The following TMEM132D variants were observed in gnomAD, a reference collection of about 807,000 sequenced individuals.
TMEM132D encodes mature OL transmembrane protein.
A neutral mutation model predicts 62.3 loss-of-function variants in TMEM132D; 21 were observed. The ratio of observed to expected loss-of-function variants is 0.34; its 90% confidence interval spans 0.24 to 0.49. The LOEUF (loss-of-function observed/expected upper bound fraction) is 0.49. TMEM132D is among the 20% of genes least tolerant of loss of function. The pLI is 0.99. For synonymous variants in TMEM132D, 621 were observed against 575.6 expected, an observed-to-expected ratio of 1.08 and a Z score of -1.13; for missense variants, 1,346 against 1,402.8, an observed-to-expected ratio of 0.96 and a Z score of 0.65.
In TMEM132D at chr12:129,874,904, C is replaced by T. The variant is rs546362530; in HGVS notation, c.79+28357G>A. ...TAGTAGAGACGGGGTCTAGAACTCC[C>T]GACCTCAGGTGATCTGCTCACCTCG... On this transcript the variant is annotated intron_variant, in intron 1 of 8. Transcript: ENST00000422113. 3.9e-5 allele frequency among the ~76,000 whole-genome samples: 6 copies of T among 152,190 alleles called. No individual in the cohort carries two copies. The South Asian group carries it at 6.2e-4, about 16-fold the overall frequency.
At chr12:129,842,097 ATTTTTT>A (rs746315309) in intron 1 of TMEM132D, among the ~76,000 whole-genome samples, 8 of 97,440 alleles carry the variant, frequency 8.2e-5, no homozygotes, top group African/African-American at 3.3e-4. Context: ...CGCCCGGCTA[ATTTTTT>A]TTTTTTTTTT....
intron 4 of TMEM132D, among the ~76,000 whole-genome samples, chr12:129,255,098 T>C (rs1281227599): frequency 2.0e-5 from 3 of 152,178 alleles, no homozygotes; most frequent in Non-Finnish European, 4.4e-5. Context: ...TTCCTCCTGC[T>C]CCAGCCATGT....
rs775104181 is a variant in TMEM132D at position 129,700,175 on chromosome 12, G to T, written c.603C>A (p.Ser201Arg). The change falls in exon 2 of 9, where the codon AGC becomes AGA. Residue 201 changes from serine to arginine, a missense_variant. Physicochemically the swap from Ser to Arg is moderately radical, Grantham distance 110. Coordinates refer to ENST00000422113, the MANE Select transcript of TMEM132D (RefSeq NM_133448.3). ...CAACCACCGTGGGGGGGCTGAACCA[G>T]CTGGACAGGAGCTCCAGCTCGGCCA... ...LCVAELELLS[S>R]WFSPPTVVAG... 6.2e-7 allele frequency: 1 copy of T among 1,612,984 alleles called. No homozygotes were observed. The highest frequency in any genetic ancestry group is 8.5e-7 in the Non-Finnish European group (1 of 1,180,002).
intron 3 of TMEM132D, among the ~76,000 whole-genome samples, chr12:129,388,043 A>G (rs112114262): frequency 6.7e-5 from 7 of 104,636 alleles, no homozygotes; most frequent in East Asian, 2.7e-4. Flanking sequence ...CAGCACTGAT[A>G]ATAATATGAA....
intron 3 of TMEM132D, among the ~76,000 whole-genome samples, chr12:129,488,957 C>T (rs952875479): frequency 3.9e-5 from 6 of 152,214 alleles, no homozygotes; most frequent in African/African-American, 1.2e-4. Context: ...TTCAGAGCAG[C>T]GGCAGTTCAT....
At chr12:129,577,093 G>C (rs1211003308) in intron 2 of TMEM132D, among the ~76,000 whole-genome samples, 1 of 151,916 alleles carries the variant, frequency 6.6e-6, no homozygotes, top group Non-Finnish European at 1.5e-5. Context: ...GGGCCCCATG[G>C]TGTCACCGAA....
chr12:129,288,010 G>T (rs1881350989), intron 4 of TMEM132D, among the ~76,000 whole-genome samples: 1 of 152,158 alleles, frequency 6.6e-6, no homozygotes, highest in Non-Finnish European at 1.5e-5. Context: ...TCTTTCTCAA[G>T]ATTGTTTTGA....
At chr12:129,776,005 A>G (rs1351567808) in intron 1 of TMEM132D, among the ~76,000 whole-genome samples, 1 of 152,110 alleles carries the variant, frequency 6.6e-6, no homozygotes. Flanking sequence ...GTCTCGGTGA[A>G]AAAACAAGAT....
At chr12:129,712,453 A>T (rs1446560941) in intron 1 of TMEM132D, among the ~76,000 whole-genome samples, 1 of 152,164 alleles carries the variant, frequency 6.6e-6, no homozygotes, top group African/African-American at 2.4e-5. Flanking sequence ...ATAGAACTCA[A>T]GTTTTAATTA....
intron 3 of TMEM132D, among the ~76,000 whole-genome samples, chr12:129,442,647 C>T (rs144966506): frequency 1.3e-4 from 20 of 152,026 alleles, no homozygotes; most frequent in Non-Finnish European, 2.9e-4. Flanking sequence ...GTGCTAGAAG[C>T]GGTTATAGTC....
At chr12:129,331,403 A>T (rs192464975) in intron 4 of TMEM132D, among the ~76,000 whole-genome samples, 22 of 152,316 alleles carry the variant, frequency 1.4e-4, no homozygotes, top group East Asian at 5.8e-4. Context: ...TTTTTCAAGG[A>T]TAATACAGAC....
chr12:129,550,866 G>C (rs555211068), intron 2 of TMEM132D, among the ~76,000 whole-genome samples: 24 of 152,156 alleles, frequency 1.6e-4, no homozygotes, highest in Non-Finnish European at 2.5e-4. Flanking sequence ...CCAACAGGCA[G>C]GAGGAGGAGG....
chr12:129,811,987 C>G (rs1872201461), intron 1 of TMEM132D, among the ~76,000 whole-genome samples: 1 of 151,784 alleles, frequency 6.6e-6, no homozygotes, highest in Non-Finnish European at 1.5e-5. Flanking sequence ...AGATGCTGAG[C>G]AGAGACCCAG....
intron 3 of TMEM132D, among the ~76,000 whole-genome samples, chr12:129,477,444 G>C (rs935052014): frequency 5.3e-5 from 8 of 152,110 alleles, no homozygotes; most frequent in African/African-American, 1.9e-4. Flanking sequence ...TGCTTTACTT[G>C]GTCTCCATGC....
intron 3 of TMEM132D, among the ~76,000 whole-genome samples, chr12:129,504,143 T>A (rs1233661695): frequency 6.6e-6 from 1 of 152,068 alleles, no homozygotes; most frequent in Non-Finnish European, 1.5e-5. Context: ...ACCACCCTCA[T>A]CACCGTCATC....
intron 5 of TMEM132D, among the ~76,000 whole-genome samples, chr12:129,134,598 T>G (rs1291832174): frequency 6.6e-6 from 1 of 152,186 alleles, no homozygotes; most frequent in Non-Finnish European, 1.5e-5. Flanking sequence ...GTGTGTGAAA[T>G]AATTTATATT....
intron 3 of TMEM132D, among the ~76,000 whole-genome samples, chr12:129,432,940 C>A (rs1444861340): frequency 6.6e-6 from 1 of 152,128 alleles, no homozygotes; most frequent in Non-Finnish European, 1.5e-5. Flanking sequence ...TAGAACCTAC[C>A]CCCAGGGTAA....
rs1179335011 is a variant in TMEM132D, at chr12:129,719,695, G to A, written c.80-18997C>T. Among the ~76,000 whole-genome samples the A allele has an allele frequency of 2.6e-5, 4 of 152,344 alleles. No individual in the cohort carries two copies. In the South Asian group the frequency reaches 6.2e-4, roughly 24 times the overall value. Reference sequence around the variant, plus strand: ...AGTCAGTAAATTAGTTATTCGACCAGAAAGTGCCTATTTCAGGGCCTTCAG... The same window carrying A: ...AGTCAGTAAATTAGTTATTCGACCAAAAAGTGCCTATTTCAGGGCCTTCAG... On this transcript the variant is annotated intron_variant, in intron 1 of 8. Transcript: ENST00000422113.
intron 1 of TMEM132D, among the ~76,000 whole-genome samples, chr12:129,727,234 C>T (rs936707079): frequency 2.2e-4 from 33 of 152,160 alleles, no homozygotes; most frequent in African/African-American, 7.0e-4. Flanking sequence ...GTTTATATGG[C>T]TTATGGTTCC....
Sources: gnomAD v4.1 joint callset for allele counts (sites outside exome capture counted in the v4.1 genomes callset) on GRCh38, gnomAD v4.1.1 for gene constraint, MANE v1.5 for transcripts, NCBI Gene and HGNC (gene_info 2026-07-23, HGNC 2026-07-21) for gene names.